Variants in HGD observed in about 807,000 individuals in gnomAD.
HGD encodes homogentisate 1,2-dioxygenase, also known as homogentisate oxidase.
HGD carries 61 observed loss-of-function variants against 60.8 expected under a neutral mutation model. That is an observed-to-expected ratio of 1.00 (90% CI 0.82 to 1.24). The LOEUF is 1.24. Among genes scored for constraint, HGD ranks in the 50% most tolerant of loss-of-function variants. HGD has a pLI of 0.00. For synonymous variants in HGD, 212 were observed against 187.7 expected, an observed-to-expected ratio of 1.13 and a Z score of -1.06; for missense variants, 542 against 547.1, an observed-to-expected ratio of 0.99 and a Z score of 0.09.
At chr3:120,633,460 G>A in intron 12 of HGD, 132 bp from the exon 13 acceptor site, 1 of 1,562,980 alleles carries the variant, frequency 6.4e-7, no homozygotes, top group Non-Finnish European at 8.6e-7. Context: ...GATTAATAAA[G>A]AATATGGATT....
chr3:120,644,256 G>T, intron 10 of HGD, 63 bp downstream of exon 10: 5 of 1,598,296 alleles, frequency 3.1e-6, no homozygotes, highest in Non-Finnish European at 4.3e-6. Flanking sequence ...ACTCGCCTTG[G>T]CAATCAGTAA....
intron 1 of HGD, among the ~76,000 whole-genome samples, chr3:120,681,377 C>G (rs2733788): frequency 1.3e-5 from 2 of 152,208 alleles, no homozygotes; most frequent in East Asian, 3.9e-4. Flanking sequence ...AGATACCAGT[C>G]TAGTAGGAGC....
chr3:120,655,704 T>C (rs952116420), intron 4 of HGD, among the ~76,000 whole-genome samples: 5 of 152,206 alleles, frequency 3.3e-5, no homozygotes, highest in Non-Finnish European at 7.3e-5. Flanking sequence ...GCAGCTTTAT[T>C]GTATGCTGTG....
At chr3:120,653,250 C>G (rs898377871) in intron 4 of HGD, among the ~76,000 whole-genome samples, 1 of 152,186 alleles carries the variant, frequency 6.6e-6, no homozygotes, top group Non-Finnish European at 1.5e-5. Flanking sequence ...GTTTAAATCA[C>G]AACAATCTTT....
intron 4 of HGD, among the ~76,000 whole-genome samples, chr3:120,653,621 T>C (rs1464885506): frequency 1.3e-5 from 2 of 152,210 alleles, no homozygotes; most frequent in Non-Finnish European, 2.9e-5. Flanking sequence ...CCTTCATTTC[T>C]TAAAAGCAAA....
At chr3:120,651,446 AGAT>A (rs1229727971) in intron 5 of HGD, among the ~76,000 whole-genome samples, 15 of 152,238 alleles carry the variant, frequency 9.9e-5, no homozygotes, top group Non-Finnish European at 1.6e-4. Flanking sequence ...CCAAACCTGC[AGAT>A]GGAGAGCCAA....
intron 13 of HGD, among the ~76,000 whole-genome samples, chr3:120,630,620 C>T (rs570536493): frequency 6.6e-6 from 1 of 151,516 alleles, no homozygotes; most frequent in South Asian, 2.1e-4. Context: ...ATAGAAAAAC[C>T]AACTCATGAT....
Position 120,628,304 on chromosome 3 carries a change from A to G in HGD, c.*76T>C. 6.6e-7 allele frequency: 1 copy of G among 1,509,774 alleles called. No individual in the cohort carries two copies. The highest frequency in any genetic ancestry group is 9.2e-7 in the Non-Finnish European group (1 of 1,086,874). 93.5% of individuals were successfully genotyped at this position (1,509,774 alleles called of 1,614,324 possible). A position where few individuals can be genotyped will look rare whatever the true frequency, so the allele number is the denominator to read the frequency against. ...TTCATTTTAACCAACCCCCTCCTCC[A>G]ATACTACCAGAAAGCATGAGATTCT... On this transcript the variant is annotated 3_prime_UTR_variant, in exon 14 of 14. Coordinates refer to ENST00000283871, the MANE Select transcript of HGD (RefSeq NM_000187.4).
At chr3:120,664,558 C>T (rs1023615395) in intron 4 of HGD, among the ~76,000 whole-genome samples, 2 of 151,494 alleles carry the variant, frequency 1.3e-5, no homozygotes, top group Non-Finnish European at 2.9e-5. Flanking sequence ...CTCCTGAGTG[C>T]CTGGGACTAC....
At chr3:120,662,355 C>A (rs1260474965) in intron 4 of HGD, among the ~76,000 whole-genome samples, 1 of 152,126 alleles carries the variant, frequency 6.6e-6, no homozygotes, top group African/African-American at 2.4e-5. Context: ...GAAATGAGGT[C>A]TGAACCAGGT....
At chr3:120,671,317 T>C (rs1708020621) in intron 3 of HGD, among the ~76,000 whole-genome samples, 2 of 152,176 alleles carry the variant, frequency 1.3e-5, no homozygotes, top group Admixed American at 1.3e-4. Flanking sequence ...TGAAAAATAG[T>C]ATCTCATTTT....
At chr3:120,656,117 G>T (rs1391664506) in intron 4 of HGD, among the ~76,000 whole-genome samples, 1 of 152,130 alleles carries the variant, frequency 6.6e-6, no homozygotes, top group African/African-American at 2.4e-5. Context: ...CTCTCTCTCT[G>T]CTTGCACTCA....
At chr3:120,681,702 T>C (rs886622520) in intron 1 of HGD, among the ~76,000 whole-genome samples, 4 of 152,150 alleles carry the variant, frequency 2.6e-5, no homozygotes, top group Non-Finnish European at 4.4e-5. Context: ...ATTAACTAAA[T>C]AGATCAAGCA....
intron 13 of HGD, among the ~76,000 whole-genome samples, chr3:120,628,959 AG>A (rs1195554927): frequency 2.6e-5 from 4 of 152,168 alleles, no homozygotes; most frequent in Non-Finnish European, 5.9e-5. Context: ...ATTAAGGCTG[AG>A]AGCTGGGAAA....
At chr3:120,652,443 C>T (rs535488985) in intron 5 of HGD, 149 bp downstream of exon 5, 44 of 666,258 alleles carry the variant, frequency 6.6e-5, no homozygotes, top group Admixed American at 2.9e-4. Flanking sequence ...GACATCCCTC[C>T]GCCAGCCCCC....
intron 3 of HGD, among the ~76,000 whole-genome samples, chr3:120,672,926 T>C (rs889793662): frequency 1.3e-5 from 2 of 152,326 alleles, no homozygotes; most frequent in East Asian, 3.9e-4. Context: ...ATCAATCAGC[T>C]AGCTAATCTG....
In HGD at chr3:120,628,482, T is replaced by C; in HGVS notation, c.1236A>G (p.Gly412=). 7 of 1,613,704 alleles carry C rather than the reference T, an allele frequency of 4.3e-6. No individual in the cohort carries two copies. The highest frequency in any genetic ancestry group is 5.1e-6 in the Non-Finnish European group (6 of 1,179,908). ...SSLSLAVTKW[G]LKASRCLDEN... is the part of the protein sequence containing the mutation. ...CATCCAAACACCTGGAGGCCTTGAG[T>C]CCCCACTTTGTGACCGCCAGACTTA... The change falls in exon 14 of 14, where the codon GGA becomes GGG. Residue 412 remains glycine, a synonymous_variant. Transcript: ENST00000283871.
At chr3:120,669,453 A>G (rs1042595394) in intron 4 of HGD, among the ~76,000 whole-genome samples, 89 of 143,768 alleles carry the variant, frequency 6.2e-4, no homozygotes, top group African/African-American at 2.1e-3. Context: ...ATGTGCACAC[A>G]CACACACACA....
intron 4 of HGD, among the ~76,000 whole-genome samples, chr3:120,657,294 A>C (rs922135900): frequency 6.6e-6 from 1 of 152,258 alleles, no homozygotes; most frequent in Non-Finnish European, 1.5e-5. Context: ...GGAAGACAGA[A>C]TTGGTATCAA....
Sources: allele counts gnomAD v4.1 joint callset (sites outside exome capture counted in the v4.1 genomes callset), GRCh38; gene constraint gnomAD v4.1.1; transcripts MANE v1.5; gene names NCBI Gene and HGNC (gene_info 2026-07-23, HGNC 2026-07-21).